EPM2A: variants seen among roughly 807,000 people sequenced by gnomAD.
EPM2A encodes the protein EPM2A glucan phosphatase, laforin.
EPM2A carries 21 observed loss-of-function variants against 26.5 expected under a neutral mutation model. That is an observed-to-expected ratio of 0.79 (90% CI 0.56 to 1.14). EPM2A has a LOEUF of 1.14. Among genes scored for constraint, EPM2A ranks in the 50% most tolerant of loss-of-function variants. The pLI is 0.00. For synonymous variants in EPM2A, 217 were observed against 177.6 expected, an observed-to-expected ratio of 1.22 and a Z score of -1.76; for missense variants, 458 against 440.8, an observed-to-expected ratio of 1.04 and a Z score of -0.35.
chr6:145,541,276 T>C (rs931617131), intron 2 of EPM2A, among the ~76,000 whole-genome samples: 2 of 150,462 alleles, frequency 1.3e-5, no homozygotes, highest in African/African-American at 2.4e-5. Context: ...TATGTGTGTG[T>C]ATATATATAA....
chr6:145,643,734 T>C (rs1221655627), intron 2 of EPM2A, among the ~76,000 whole-genome samples: 1 of 152,212 alleles, frequency 6.6e-6, no homozygotes, highest in South Asian at 2.1e-4. Context: ...CCTTTTTTAA[T>C]GTTAATGTCT....
In EPM2A at chr6:145,735,397, C is replaced by A. The variant is rs1014133463; in HGVS notation, c.102G>T (p.Pro34=). The change falls in exon 1 of 4, where the codon CCG becomes CCT. Residue 34 remains proline, a synonymous_variant. Transcript: ENST00000367519. The part of the protein sequence containing the change: ...GSRPELGRWE[P]RGAVRLRPAG... Reference sequence around the variant, plus strand: ...CCGGCCTCAGGCGGACGGCACCGCGCGGCTCCCAACGCCCCAGCTCGGGCC... The same window carrying A: ...CCGGCCTCAGGCGGACGGCACCGCGAGGCTCCCAACGCCCCAGCTCGGGCC... The A allele has an allele frequency of 8.1e-7, 1 of 1,235,160 alleles. No individual in the cohort carries two copies. The highest frequency in any genetic ancestry group is 3.8e-5 in the East Asian group (1 of 26,648). 76.5% of individuals were successfully genotyped at this position (1,235,160 alleles called of 1,614,324 possible). A position where few individuals can be genotyped will look rare whatever the true frequency, so the allele number is the denominator to read the frequency against.
chr6:145,474,257 T>G (rs935294392), intron 4 of EPM2A, among the ~76,000 whole-genome samples: 1 of 151,510 alleles, frequency 6.6e-6, no homozygotes, highest in African/African-American at 2.4e-5. Context: ...AGGTCAGGAG[T>G]TTGAGACGAG....
chr6:145,471,179 T>A (rs1242192070), intron 4 of EPM2A, among the ~76,000 whole-genome samples: 1 of 152,226 alleles, frequency 6.6e-6, no homozygotes, highest in Middle Eastern at 3.2e-3. Context: ...TATTGTTTTC[T>A]TTGTTGAAAA....
chr6:145,517,306 TA>T (rs1780141652), intron 2 of EPM2A, among the ~76,000 whole-genome samples: 1 of 152,140 alleles, frequency 6.6e-6, no homozygotes, highest in Non-Finnish European at 1.5e-5. Context: ...ACTGCTCACA[TA>T]AAAAATGTTA....
intron 4 of EPM2A, among the ~76,000 whole-genome samples, chr6:145,407,376 G>T (rs2114672109): frequency 6.6e-6 from 1 of 152,030 alleles, no homozygotes; most frequent in Admixed American, 6.6e-5. Context: ...CTCCTGTCAG[G>T]GCCTACTTAA....
At chr6:145,547,298 T>C (rs1780595134) in intron 2 of EPM2A, among the ~76,000 whole-genome samples, 1 of 152,096 alleles carries the variant, frequency 6.6e-6, no homozygotes, top group Non-Finnish European at 1.5e-5. Context: ...CTTGGTCTTT[T>C]CTAGTCCCTC....
At chr6:145,599,014 T>C (rs1781383525) in intron 2 of EPM2A, among the ~76,000 whole-genome samples, 1 of 152,204 alleles carries the variant, frequency 6.6e-6, no homozygotes, top group African/African-American at 2.4e-5. Context: ...TGTAGCCCTG[T>C]AGTACAGTCT....
chr6:145,695,195 G>T (rs1781503036), intron 1 of EPM2A, among the ~76,000 whole-genome samples: 1 of 151,932 alleles, frequency 6.6e-6, no homozygotes, highest in Non-Finnish European at 1.5e-5. Flanking sequence ...GAGAGCTTTT[G>T]TATTTGATTA....
intron 1 of EPM2A, among the ~76,000 whole-genome samples, chr6:145,705,273 A>AC (rs1782153769): frequency 6.6e-6 from 1 of 152,168 alleles, no homozygotes; most frequent in African/African-American, 2.4e-5. Flanking sequence ...ACATGGTGAA[A>AC]CCCTGTCTCT....
chr6:145,528,786 C>A (rs953720345), intron 2 of EPM2A, among the ~76,000 whole-genome samples: 1 of 152,030 alleles, frequency 6.6e-6, no homozygotes, highest in African/African-American at 2.4e-5. Context: ...TCTCATAGAG[C>A]TATAGTTGCC....
In EPM2A at chr6:145,513,797, T is replaced by C. The variant is rs1279625212; in HGVS notation, c.341-11222A>G. Among the ~76,000 whole-genome samples, 4 of 152,236 alleles carry C rather than the reference T, an allele frequency of 2.6e-5. No individual in the cohort carries two copies. The East Asian group carries it at 7.7e-4, about 29-fold the overall frequency. On this transcript the variant is annotated intron_variant, in intron 2 of 3. Transcript: ENST00000450221. Reference sequence around the variant, plus strand: ...TGACAGAAGAAGCCAGCCATCTCTCTTATCTAATTAAGCCACCATCCCTAT... The same window carrying C: ...TGACAGAAGAAGCCAGCCATCTCTCCTATCTAATTAAGCCACCATCCCTAT...
At chr6:145,716,177 AT>A (rs1176722096) in intron 1 of EPM2A, among the ~76,000 whole-genome samples, 1 of 152,168 alleles carries the variant, frequency 6.6e-6, no homozygotes, top group African/African-American at 2.4e-5. Flanking sequence ...ATTTTGCGGA[AT>A]TTTTTTCTGA....
At chr6:145,729,874 T>C (rs996107929) in intron 1 of EPM2A, among the ~76,000 whole-genome samples, 17 of 152,216 alleles carry the variant, frequency 1.1e-4, no homozygotes, top group Admixed American at 1.3e-4. Context: ...AAATCTCATG[T>C]CTGAATTATA....
chr6:145,580,411 A>T lies in EPM2A; in HGVS notation c.340+54834T>A, dbSNP rs114684593. Reference sequence around the variant, plus strand: ...GAATATCTCAGTCTGATACTCTTGTATTCACATTTAATTGACTGCTACATT... The same window carrying T: ...GAATATCTCAGTCTGATACTCTTGTTTTCACATTTAATTGACTGCTACATT... On this transcript the variant is annotated intron_variant, in intron 2 of 3. Transcript: ENST00000450221. Among the ~76,000 whole-genome samples the T allele has an allele frequency of 5.0e-3, 761 of 152,294 alleles. 4 individuals are homozygous for T. Among genetic ancestry groups the T allele is most frequent in the African/African-American group, 0.018 (741 of 41,574 alleles).
rs1184012721 is a variant in EPM2A at position 145,735,276 on chromosome 6, C to T, written c.223G>A (p.Gly75Arg). ...GTGTCCACGCGGCCCGGCTCCGCCC[C>T]GTCCTGCGCCGCCTCCTCGGCCGCC... The part of the protein sequence containing the change: ...ELAAEEAAQD[G>R]AEPGRVDTFW... Residue 75 changes from glycine (G) to arginine (R), a missense_variant, in exon 1 of 4, where the codon GGG (glycine) becomes AGG (arginine). By Grantham distance (125) the Gly-to-Arg change is moderately radical. Transcript: ENST00000367519. 4 of 1,496,918 alleles carry T rather than the reference C, an allele frequency of 2.7e-6. No individual in the cohort carries two copies. Among genetic ancestry groups the T allele is most frequent in the South Asian group, 1.2e-5 (1 of 80,640 alleles). 92.7% of individuals were successfully genotyped at this position (1,496,918 alleles called of 1,614,324 possible).
At chr6:145,453,980 A>G (rs1196763629) in intron 4 of EPM2A, among the ~76,000 whole-genome samples, 1 of 152,230 alleles carries the variant, frequency 6.6e-6, no homozygotes, top group Non-Finnish European at 1.5e-5. Context: ...GGAGAAACTA[A>G]GCACATCCTA....
chr6:145,696,089 T>C (rs1047894282), intron 1 of EPM2A, among the ~76,000 whole-genome samples: 10 of 152,088 alleles, frequency 6.6e-5, no homozygotes, highest in Non-Finnish European at 1.5e-4. Context: ...TTTCCTACCA[T>C]AATGATATGA....
intron 2 of EPM2A, among the ~76,000 whole-genome samples, chr6:145,668,659 G>A (rs970080887): frequency 6.6e-6 from 1 of 152,050 alleles, no homozygotes; most frequent in African/African-American, 2.4e-5. Flanking sequence ...CTACTTATTG[G>A]CTGCTATGAT....
Sources: allele counts gnomAD v4.1 joint callset (sites outside exome capture counted in the v4.1 genomes callset), GRCh38; gene constraint gnomAD v4.1.1; transcripts MANE v1.5; gene names NCBI Gene and HGNC (gene_info 2026-07-23, HGNC 2026-07-21).